ABTB3: variants seen among roughly 807,000 people sequenced by gnomAD.
The protein encoded by ABTB3 is ankyrin repeat- and BTB/POZ domain-containing protein 3.
chr12:107,559,736 C>T, the ABTB3 span, among the ~76,000 whole-genome samples: 60 of 152,196 alleles, frequency 3.9e-4, no homozygotes, highest in Non-Finnish European at 7.3e-4. Context: ...AAACCCTCTA[C>T]AGGTATACAG....
chr12:107,604,049 G>C, the ABTB3 span, among the ~76,000 whole-genome samples: 1 of 152,006 alleles, frequency 6.6e-6, no homozygotes, highest in Non-Finnish European at 1.5e-5. Context: ...GGCACCTGTA[G>C]TCCTAGCTAC....
chr12:107,601,909 T>G, the ABTB3 span, among the ~76,000 whole-genome samples: 1 of 152,150 alleles, frequency 6.6e-6, no homozygotes. Flanking sequence ...AAAATGAAAT[T>G]AAAGCTGTGC....
At chr12:107,439,356 C>G in the ABTB3 span, among the ~76,000 whole-genome samples, 35 of 152,312 alleles carry the variant, frequency 2.3e-4, 1 homozygote, top group Non-Finnish European at 2.1e-4. Context: ...CTTCTTGACT[C>G]AGTCCTCTTG....
chr12:107,583,348 G>A, the ABTB3 span, among the ~76,000 whole-genome samples: 1 of 152,156 alleles, frequency 6.6e-6, no homozygotes, highest in South Asian at 2.1e-4. Flanking sequence ...TCTCATAACA[G>A]CCTCAAAACA....
At chr12:107,399,771 C>A in the ABTB3 span, among the ~76,000 whole-genome samples, 2 of 152,152 alleles carry the variant, frequency 1.3e-5, no homozygotes, top group African/African-American at 4.8e-5. Flanking sequence ...CTGCACCTAT[C>A]AACCTGTCAT....
the ABTB3 span, among the ~76,000 whole-genome samples, chr12:107,546,997 C>G: frequency 1.3e-5 from 2 of 152,128 alleles, no homozygotes; most frequent in African/African-American, 4.8e-5. Flanking sequence ...AGTTCCAGAC[C>G]AGCCTGGGCA....
chr12:107,350,028 G>A, the ABTB3 span, among the ~76,000 whole-genome samples: 1 of 152,198 alleles, frequency 6.6e-6, no homozygotes, highest in South Asian at 2.1e-4. Flanking sequence ...AGCACATTAA[G>A]TAATACAGAT....
chr12:107,416,129 G>A, the ABTB3 span, among the ~76,000 whole-genome samples: 1 of 152,180 alleles, frequency 6.6e-6, no homozygotes, highest in Admixed American at 6.5e-5. Context: ...ACAGCCTGGA[G>A]AAATGCTTGC....
the ABTB3 span, among the ~76,000 whole-genome samples, chr12:107,509,451 A>G: frequency 6.6e-6 from 1 of 152,208 alleles, no homozygotes; most frequent in Non-Finnish European, 1.5e-5. Flanking sequence ...TATTAATTCA[A>G]CCATGAACAC....
At chr12:107,609,943 C>T in the ABTB3 span, 3 of 488,768 alleles carry the variant, frequency 6.1e-6, no homozygotes, top group South Asian at 2.5e-5. Flanking sequence ...ATATTCAATA[C>T]GTATTAGTCG....
the ABTB3 span, among the ~76,000 whole-genome samples, chr12:107,338,033 G>A: frequency 6.6e-6 from 1 of 152,152 alleles, no homozygotes; most frequent in Non-Finnish European, 1.5e-5. Context: ...TTCTAACCTG[G>A]TTTTGTTGTT....
At chr12:107,528,322 G>C in the ABTB3 span, among the ~76,000 whole-genome samples, 1 of 152,092 alleles carries the variant, frequency 6.6e-6, no homozygotes, top group African/African-American at 2.4e-5. Flanking sequence ...AGGACAATAT[G>C]AGTTTTCCAT....
the ABTB3 span, among the ~76,000 whole-genome samples, chr12:107,440,009 T>A: frequency 6.6e-6 from 1 of 152,200 alleles, no homozygotes. Context: ...GATGGCTTGA[T>A]ATTTAGCTGG....
At chr12:107,591,443 A>G in the ABTB3 span, among the ~76,000 whole-genome samples, 1 of 152,134 alleles carries the variant, frequency 6.6e-6, no homozygotes, top group Non-Finnish European at 1.5e-5. Context: ...AAGCAGGCGG[A>G]AAAGGGCAAA....
the ABTB3 span, among the ~76,000 whole-genome samples, chr12:107,612,033 T>G: frequency 6.6e-6 from 1 of 152,252 alleles, no homozygotes; most frequent in Non-Finnish European, 1.5e-5. Flanking sequence ...GTTAGATATC[T>G]TTTATGGTTT....
chr12:107,353,797 G>T, the ABTB3 span, among the ~76,000 whole-genome samples: 1 of 152,294 alleles, frequency 6.6e-6, no homozygotes, highest in East Asian at 1.9e-4. Context: ...TGTGAACTGT[G>T]CATGTGAGGG....
chr12:107,353,230 A>C, the ABTB3 span, among the ~76,000 whole-genome samples: 2 of 152,174 alleles, frequency 1.3e-5, no homozygotes, highest in Non-Finnish European at 2.9e-5. Context: ...AGTACCCACT[A>C]AGTGCCTGGC....
At chr12:107,501,074 A>T in the ABTB3 span, among the ~76,000 whole-genome samples, 46,021 of 152,042 alleles carry the variant, frequency 0.3, 9,091 homozygotes, top group African/African-American at 0.56. Context: ...CATCTGTAAA[A>T]TGATAACAAA....
At chr12:107,578,223 G>A in the ABTB3 span, among the ~76,000 whole-genome samples, 1 of 152,004 alleles carries the variant, frequency 6.6e-6, no homozygotes, top group Non-Finnish European at 1.5e-5. Flanking sequence ...TAAGGTCAGA[G>A]TGACAAGAAG....
Sources: allele counts gnomAD v4.1 joint callset (sites outside exome capture counted in the v4.1 genomes callset), GRCh38; gene constraint gnomAD v4.1.1; transcripts MANE v1.5; gene names NCBI Gene and HGNC (gene_info 2026-07-23, HGNC 2026-07-21).